SLC25A12: variants seen among roughly 807,000 people sequenced by gnomAD.
SLC25A12 encodes solute carrier family 25 member 12, also known as electrogenic aspartate/glutamate antiporter SLC25A12, mitochondrial.
In SLC25A12, 32 loss-of-function variants were observed where a neutral mutation model predicts 83.3. The observed-to-expected ratio is 0.38, with a 90% CI of 0.29 to 0.52. The LOEUF is 0.52. Ranked by LOEUF, SLC25A12 falls within the 20% of genes least tolerant of loss-of-function variation. SLC25A12 has a pLI of 0.84. For synonymous variants in SLC25A12, 267 were observed against 291.1 expected (o/e 0.92, Z 0.84); for missense variants, 611 against 835.6 (o/e 0.73, Z 3.31).
chr2:171,835,378 A>G (rs1247591015), intron 6 of SLC25A12, among the ~76,000 whole-genome samples: 1 of 152,256 alleles, frequency 6.6e-6, no homozygotes, highest in African/African-American at 2.4e-5. Context: ...AATACTTAAC[A>G]GTCTGTGCTA....
Position 171,868,703 on chromosome 2 carries a change from C to G in SLC25A12, c.187G>C (p.Val63Leu). 6.2e-7 allele frequency: 1 copy of G among 1,613,982 alleles called. No individual in the cohort carries two copies. Among genetic ancestry groups the G allele is most frequent in the Non-Finnish European group, 8.5e-7 (1 of 1,179,882 alleles). ...TACCCATCCTTGGTTTGATCAGCTA[C>G]TCCTGCCAAGAGCTGCACGATCTTT... is the stretch of plus-strand genomic sequence containing the variant. ...NPKIVQLLAGVADQTKDGLIS... is the reference protein window; with the variant it reads ...NPKIVQLLAGLADQTKDGLIS... The change falls in exon 3 of 18, where the codon GTA becomes CTA. Residue 63 changes from valine to leucine, a missense_variant. By Grantham distance (32) the Val-to-Leu change is conservative. This residue lies in a region of SLC25A12 where 540 missense variants were observed against 777.5 expected (regional missense o/e 0.69). Transcript: ENST00000422440.
intron 1 of SLC25A12, 50 bp from the exon 2 acceptor site, chr2:171,893,308 C>A (rs762562372): frequency 1.4e-6 from 2 of 1,461,030 alleles, no homozygotes; most frequent in East Asian, 4.5e-5. Context: ...CTAGAGACCA[C>A]ACAATCTCTT....
chr2:171,868,787 T>C lies in SLC25A12; in HGVS notation c.103A>G (p.Thr35Ala). 6.2e-7 allele frequency: 1 copy of C among 1,613,178 alleles called. No homozygotes were observed. Among genetic ancestry groups the C allele is most frequent in the Non-Finnish European group, 8.5e-7 (1 of 1,179,206 alleles). ...STEVDGERYM[T>A]PEDFVQRYLG... The stretch of plus-strand genomic sequence containing the variant: ...TAGCGCTGAACAAAGTCTTCTGGGG[T>C]CATATAACGCTCTCCATCAACCTCA... Residue 35 changes from threonine to alanine, a missense_variant, in exon 3 of 18, where the codon ACC becomes GCC. Thr to Ala is a moderately conservative substitution (Grantham distance 58). Transcript: ENST00000422440.
At chr2:171,814,490 CTTTT>C (rs541354798) in intron 10 of SLC25A12, among the ~76,000 whole-genome samples, 2 of 145,286 alleles carry the variant, frequency 1.4e-5, no homozygotes, top group Non-Finnish European at 3.0e-5. Flanking sequence ...CAATTTCTTT[CTTTT>C]TTTTTTTAGT....
chr2:171,890,477 C>CTGTGTGTGTG (rs34728188), intron 2 of SLC25A12, among the ~76,000 whole-genome samples: 1 of 149,206 alleles, frequency 6.7e-6, no homozygotes, highest in Admixed American at 6.7e-5. Context: ...TCGTGTGTGT[C>CTGTGTGTGTG]TGTGTGTGTG....
chr2:171,892,951 T>A (rs1685975259), intron 2 of SLC25A12, among the ~76,000 whole-genome samples: 1 of 151,838 alleles, frequency 6.6e-6, no homozygotes, highest in Non-Finnish European at 1.5e-5. Flanking sequence ...AAGCTGGAAA[T>A]TTTTTTTCAA....
intron 3 of SLC25A12, among the ~76,000 whole-genome samples, chr2:171,867,025 A>T (rs1685338313): frequency 7.6e-6 from 1 of 131,710 alleles, no homozygotes; most frequent in African/African-American, 3.0e-5. Context: ...CGCTCCTCAC[A>T]TCCCAGACGG....
At chr2:171,800,185 A>C (rs1415080210) in intron 13 of SLC25A12, among the ~76,000 whole-genome samples, 1 of 152,190 alleles carries the variant, frequency 6.6e-6, no homozygotes, top group African/African-American at 2.4e-5. Flanking sequence ...AGTAATAAAC[A>C]AGTCACAAAC....
intron 5 of SLC25A12, among the ~76,000 whole-genome samples, chr2:171,838,780 T>C (rs887984195): frequency 6.6e-6 from 1 of 152,010 alleles, no homozygotes; most frequent in Non-Finnish European, 1.5e-5. Flanking sequence ...AATCATAGAG[T>C]ATGTGCATCT....
At chr2:171,851,808 T>A (rs1240280703) in intron 4 of SLC25A12, among the ~76,000 whole-genome samples, 1 of 152,204 alleles carries the variant, frequency 6.6e-6, no homozygotes, top group South Asian at 2.1e-4. Flanking sequence ...CTGCTGGGAT[T>A]ACAGACATGA....
intron 9 of SLC25A12, among the ~76,000 whole-genome samples, chr2:171,817,054 A>G (rs1167551885): frequency 6.6e-6 from 1 of 152,178 alleles, no homozygotes; most frequent in Non-Finnish European, 1.5e-5. Flanking sequence ...TCCCTCTTAT[A>G]ACAAGGATAT....
At position 171,817,705 on chromosome 2, in the gene SLC25A12, T is replaced by C. The variant is rs116105059; in HGVS notation, c.931-2503A>G. Among the ~76,000 whole-genome samples, 1,491 of 151,956 alleles carry C rather than the reference T, an allele frequency of 9.8e-3. 20 individuals are homozygous for C. The highest frequency in any genetic ancestry group is 0.034 in the African/African-American group (1,400 of 41,452). ...AAATAAATTTCATTCTCATAGATTA[T>C]GAATTATTTTCAATCATGTATCCTT... On this transcript the variant is annotated intron_variant, in intron 9 of 17. Transcript: ENST00000422440.
At chr2:171,812,790 A>G (rs1451466899) in intron 11 of SLC25A12, among the ~76,000 whole-genome samples, 1 of 123,406 alleles carries the variant, frequency 8.1e-6, no homozygotes, top group East Asian at 2.6e-4. Flanking sequence ...TTGGAACCAA[A>G]GGGTTTTCCT....
Position 171,879,587 on chromosome 2 carries a change from G to A in SLC25A12, c.67-10764C>T, listed in dbSNP as rs573718416. On this transcript the variant is annotated intron_variant, in intron 2 of 17. Transcript: ENST00000422440. ...TAATGACCCAAAGAACCCAATAACTGGAACTAGAATGCTTCCCAAGGCAGA... is the reference window on the plus strand; with the variant it reads ...TAATGACCCAAAGAACCCAATAACTAGAACTAGAATGCTTCCCAAGGCAGA... Among the ~76,000 whole-genome samples, 12 of 152,176 alleles carry A rather than the reference G, an allele frequency of 7.9e-5. No homozygotes were observed. In the South Asian group the frequency reaches 2.1e-3, roughly 26 times the overall value.
At chr2:171,809,324 GTGTAAAATGGTTCCTATTTCTCCAC>G (rs1279809318) in intron 13 of SLC25A12, 3 of 421,742 alleles carry the variant, frequency 7.1e-6, no homozygotes, top group Non-Finnish European at 1.3e-5. Context: ...CCCACCAACA[GTGTAAAATGGTTCCTATTTCTCCAC>G]ATCCTCTCCA....
rs1684025741 is a variant in SLC25A12 at position 171,815,167 on chromosome 2, C to G, written c.966G>C (p.Gln322His). Residue 322 changes from glutamine (Q) to histidine (H), a missense_variant, in exon 10 of 18, where the codon CAG (glutamine) becomes CAC (histidine). Transcript: ENST00000422440. Reference protein sequence around the residue: ...SPGLGRPIWLQIAESAYRFTL... With the variant: ...SPGLGRPIWLHIAESAYRFTL... ...TGAATCTGTAAGCAGACTCGGCAAT[C>G]TGGAGCCAGATAGGCCTGCCTAACC... The G allele has an allele frequency of 6.2e-7, 1 of 1,613,802 alleles. No homozygotes were observed. Among genetic ancestry groups the G allele is most frequent in the Non-Finnish European group, 8.5e-7 (1 of 1,179,892 alleles).
intron 2 of SLC25A12, among the ~76,000 whole-genome samples, chr2:171,876,542 T>TGGGGGG (rs1558941901): frequency 4.0e-5 from 1 of 24,948 alleles, no homozygotes; most frequent in African/African-American, 9.6e-5. Flanking sequence ...TTTTTTTTTT[T>TGGGGGG]TGGGGGGGGG....
intron 13 of SLC25A12, among the ~76,000 whole-genome samples, chr2:171,799,531 G>A (rs566028604): frequency 5.3e-5 from 8 of 152,240 alleles, no homozygotes; most frequent in South Asian, 4.1e-4. Flanking sequence ...TAAATGCTCC[G>A]CCTAACATGT....
intron 4 of SLC25A12, among the ~76,000 whole-genome samples, chr2:171,852,351 A>G (rs1344133912): frequency 2.6e-5 from 4 of 152,244 alleles, no homozygotes; most frequent in Admixed American, 6.5e-5. Context: ...GTATAAAATC[A>G]TATCTAAAAA....
Sources: allele counts gnomAD v4.1 joint callset (sites outside exome capture counted in the v4.1 genomes callset), GRCh38; gene constraint gnomAD v4.1.1; regional missense constraint gnomAD v4.1.1; transcripts MANE v1.5; gene names NCBI Gene and HGNC (gene_info 2026-07-23, HGNC 2026-07-21).